The following APOB variants were observed in gnomAD, a reference collection of about 807,000 sequenced individuals.
APOB encodes apolipoprotein B-100.
APOB carries 153 observed loss-of-function variants against 314.1 expected under a neutral mutation model. That is an observed-to-expected ratio of 0.49 (90% CI 0.43 to 0.56). The LOEUF is 0.56. APOB is among the 20% of genes least tolerant of loss of function. The pLI is 0.00. For synonymous variants in APOB, 2,087 were observed against 2,036.4 expected, an observed-to-expected ratio of 1.02 and a Z score of -0.67; for missense variants, 5,430 against 5,350.7, an observed-to-expected ratio of 1.01 and a Z score of -0.46.
Position 21,011,607 on chromosome 2 carries a change from G to C in APOB, c.5261C>G (p.Thr1754Arg), listed in dbSNP as rs771920652. 1.9e-6 allele frequency: 3 copies of C among 1,614,188 alleles called. No homozygotes were observed. Among genetic ancestry groups the C allele is most frequent in the Non-Finnish European group, 2.5e-6 (3 of 1,180,018 alleles). Residue 1754 changes from threonine (T) to arginine (R), a missense_variant, in exon 26 of 29, where the codon ACA becomes AGA. This residue lies in a region of APOB where 64 missense variants were observed against 99.9 expected (regional missense o/e 0.64). Transcript: ENST00000233242. The stretch of plus-strand genomic sequence containing the variant: ...TAAGCCTGCAATGTTCAGACTGTTT[G>C]TGTGGTCAAATTTCATTTCAGCATA... Reference protein sequence around the residue: ...GSYAEMKFDHTNSLNIAGLSL... With the variant: ...GSYAEMKFDHRNSLNIAGLSL...
At position 21,015,452 on chromosome 2, in the gene APOB, C is replaced by T. The variant is rs142448733; in HGVS notation, c.3426G>A (p.Ser1142=). The T allele has an allele frequency of 1.4e-3, 2,277 of 1,614,016 alleles. 14 individuals carry two copies. The Middle Eastern group carries it at 0.022, about 15-fold the overall frequency. The change falls in exon 22 of 29, where the codon TCG becomes TCA. Residue 1142 remains serine (S), a synonymous_variant. Transcript: ENST00000233242. ...CCATTTGGAGAAGCAGTTTGGCAGG[C>T]GACCAGTGGGCGAGGATCTCACTTC... ...EARSEILAHW[S]PAKLLLQMDS... is the part of the protein sequence containing the mutation.
At chr2:21,003,504 A>C (rs1663053434) in intron 28 of APOB, among the ~76,000 whole-genome samples, 170 bp from the exon 29 acceptor site, 1 of 152,200 alleles carries the variant, frequency 6.6e-6, no homozygotes, top group Non-Finnish European at 1.5e-5. Flanking sequence ...TGGTTAAATA[A>C]GTCTACTGTT....
In APOB at chr2:21,002,183, GT is replaced by G. The variant is rs758853340; in HGVS notation, c.13238del (p.Asn4413ThrfsTer3). ...LEEKIVSLIK[N>X]LLVALKDFHS... ...GGAAGTCCTTAAGAGCAACTAACAGGTTCTTGATCAGACTGACTATCTTTTC... is the reference window on the plus strand; with the variant it reads ...GGAAGTCCTTAAGAGCAACTAACAGGTCTTGATCAGACTGACTATCTTTTC... On this transcript the variant is annotated frameshift_variant, in exon 29 of 29. Transcript: ENST00000233242. LOFTEE classifies it low-confidence loss of function (END_TRUNC). The G allele has an allele frequency of 1.2e-6, 2 of 1,613,898 alleles. No homozygotes were observed. Among genetic ancestry groups the G allele is most frequent in the Admixed American group, 3.3e-5 (2 of 59,996 alleles).
In APOB at chr2:21,005,244, A is replaced by G. The variant is rs1663094689; in HGVS notation, c.11624T>C (p.Ile3875Thr). 1 of 1,614,100 alleles carries G rather than the reference A, an allele frequency of 6.2e-7. No individual in the cohort carries two copies. Among genetic ancestry groups the G allele is most frequent in the Non-Finnish European group, 8.5e-7 (1 of 1,179,978 alleles). Residue 3875 changes from isoleucine to threonine, a missense_variant, in exon 26 of 29, where the codon ATT becomes ACT. Transcript: ENST00000233242. Reference sequence around the variant, plus strand: ...CAGTGCTTGAAAGGAAGGAATGACAATTCCAGCAGGTACAGAGAACTTAAT... The same window carrying G: ...CAGTGCTTGAAAGGAAGGAATGACAGTTCCAGCAGGTACAGAGAACTTAAT... The part of the protein sequence containing the change: ...PSIKFSVPAG[I>T]VIPSFQALTA...
chr2:21,037,355 GA>G (rs1221252742), intron 5 of APOB, 100 bp from the exon 6 acceptor site: 4 of 1,285,238 alleles, frequency 3.1e-6, no homozygotes, highest in Non-Finnish European at 4.4e-6. Context: ...AAAGCAGAAG[GA>G]ATCTAGCTTT....
chr2:21,029,875 G>A, intron 11 of APOB, 23 bp downstream of exon 11: 1 of 1,607,200 alleles, frequency 6.2e-7, no homozygotes, highest in South Asian at 1.1e-5. Flanking sequence ...AATGATGTAT[G>A]TCATATAAAA....
rs1224438700 is a variant in APOB at position 21,004,359 on chromosome 2, G to A, written c.11997C>T (p.Thr3999=). 1.2e-6 allele frequency: 2 copies of A among 1,613,964 alleles called. No individual in the cohort carries two copies. The highest frequency in any genetic ancestry group is 3.3e-5 in the Admixed American group (2 of 59,980). The change falls in exon 28 of 29, where the codon ACC becomes ACT. Residue 3999 remains threonine, a synonymous_variant. Transcript: ENST00000233242. The stretch of plus-strand genomic sequence containing the variant: ...TGCCTACGGCTGGGGAGGCTGCTGA[G>A]GTGGAGATGCCTTTCTTGTCTTTCT... ...RYQKDKKGIS[T]SAASPAVGTV... is the part of the protein sequence containing the mutation.
Position 21,006,600 on chromosome 2 carries a change from A to G in APOB, c.10268T>C (p.Val3423Ala), listed in dbSNP as rs761983757. 6.2e-7 allele frequency: 1 copy of G among 1,614,040 alleles called. No individual in the cohort carries two copies. Among genetic ancestry groups the G allele is most frequent in the Non-Finnish European group, 8.5e-7 (1 of 1,179,974 alleles). ...TVSLTTKNME[V>A]SVATTTKAQI... ...GGCTTTTGTGGTTGTTGCCACTGAC[A>G]CTTCCATATTTTTCGTGGTTAAGCT... The change falls in exon 26 of 29, where the codon GTG becomes GCG. Residue 3423 changes from valine to alanine, a missense_variant. Val to Ala is a moderately conservative substitution (Grantham distance 64). Coordinates refer to ENST00000233242, the MANE Select transcript of APOB (RefSeq NM_000384.3).
chr2:21,029,819 G>A (rs751695242), intron 11 of APOB, 34 bp from the exon 12 acceptor site: 1 of 1,613,466 alleles, frequency 6.2e-7, no homozygotes, highest in African/African-American at 1.3e-5. Context: ...AACCCATCAG[G>A]GTGCAGGAGA....
At chr2:21,039,471 C>T (rs12714245) in intron 4 of APOB, among the ~76,000 whole-genome samples, 3,387 of 152,266 alleles carry the variant, frequency 0.022, 76 homozygotes, top group African/African-American at 0.06. Flanking sequence ...GAGGACCTGG[C>T]TGCAGCCACT....
chr2:21,005,019 T>G, intron 26 of APOB, 61 bp downstream of exon 26: 1 of 1,586,590 alleles, frequency 6.3e-7, no homozygotes, highest in Non-Finnish European at 8.6e-7. Flanking sequence ...ACATAATTAT[T>G]TACTCATAAC....
intron 4 of APOB, among the ~76,000 whole-genome samples, chr2:21,038,339 T>C (rs924287666): frequency 1.3e-5 from 2 of 152,188 alleles, no homozygotes; most frequent in African/African-American, 4.8e-5. Context: ...TTTTTCTTTT[T>C]TCTTTTTCTT....
At position 21,008,108 on chromosome 2, in the gene APOB, T is replaced by C; in HGVS notation, c.8760A>G (p.Ala2920=). 3 of 1,614,090 alleles carry C rather than the reference T, an allele frequency of 1.9e-6. No individual in the cohort carries two copies. The highest frequency in any genetic ancestry group is 2.5e-6 in the Non-Finnish European group (3 of 1,179,976). Reference sequence around the variant, plus strand: ...ATGACCCTTTTCCAGAAGAAGTCCATGCTATGTGGCCAGCTTTCAACAGTG... The same window carrying C: ...ATGACCCTTTTCCAGAAGAAGTCCACGCTATGTGGCCAGCTTTCAACAGTG... ...IKTLLKAGHI[A]WTSSGKGSWK... is the part of the protein sequence containing the mutation. Residue 2920 remains alanine, a synonymous_variant, in exon 26 of 29, where the codon GCA becomes GCG. Transcript: ENST00000233242.
chr2:21,034,302 C>T (rs367974570), intron 8 of APOB, among the ~76,000 whole-genome samples: 1 of 152,272 alleles, frequency 6.6e-6, no homozygotes, highest in East Asian at 1.9e-4. Context: ...AAAATCACAT[C>T]TCTACCACCT....
rs1318637025 is a variant in APOB, at chr2:21,043,901, AG to A, written c.44del (p.Pro15LeufsTer78). ...CCGCCAGCAGCAGCAGCAGCAGCGCAGGCAGCGCCAGCAGCGCCAGCAGCGC... is the reference window on the plus strand; with the variant it reads ...CCGCCAGCAGCAGCAGCAGCAGCGCAGCAGCGCCAGCAGCGCCAGCAGCGC... ...RPALLALLALPALLLLLLAGA... is the reference protein window; with the variant it reads ...RPALLALLALXALLLLLLAGA... On this transcript the variant is annotated frameshift_variant, in exon 1 of 29. Transcript: ENST00000233242. LOFTEE classifies it high-confidence loss of function. 7 of 1,423,164 alleles carry A rather than the reference AG, an allele frequency of 4.9e-6. No individual in the cohort carries two copies. The highest frequency in any genetic ancestry group is 2.8e-5 in the Admixed American group (1 of 36,188). 88.2% of individuals were successfully genotyped at this position (1,423,164 alleles called of 1,614,324 possible).
At chr2:21,035,844 G>C in intron 6 of APOB, 136 bp from the exon 7 acceptor site, 1 of 917,798 alleles carries the variant, frequency 1.1e-6, no homozygotes, top group Non-Finnish European at 1.7e-6. Context: ...CTGGGTACTT[G>C]ACATTTAGAC....
In APOB at chr2:21,028,403, G is replaced by A; in HGVS notation, c.1753C>T (p.Gln585Ter). ...NKIVQILPWE[Q>*]NEQVKNFVAS... ...ACAAAGTTCTTCACTTGCTCATTCT[G>A]TTCCCATGGTAGAATTTGGACAATT... Residue 585 changes from glutamine (Q) to a stop codon, truncating the protein, a stop_gained, in exon 13 of 29, where the codon CAG becomes TAG. Coordinates refer to ENST00000233242, the MANE Select transcript of APOB (RefSeq NM_000384.3). LOFTEE classifies it high-confidence loss of function. 1 of 1,614,164 alleles carries A rather than the reference G, an allele frequency of 6.2e-7. No homozygotes were observed. Among genetic ancestry groups the A allele is most frequent in the Non-Finnish European group, 8.5e-7 (1 of 1,180,014 alleles).
Position 21,011,378 on chromosome 2 carries a change from G to A in APOB, c.5490C>T (p.Ala1830=), listed in dbSNP as rs886055585. 3.7e-6 allele frequency: 6 copies of A among 1,613,970 alleles called. No individual in the cohort carries two copies. The highest frequency in any genetic ancestry group is 1.7e-5 in the Admixed American group (1 of 60,000). The change falls in exon 26 of 29, where the codon GCC becomes GCT. Residue 1830 remains alanine (A), a synonymous_variant. Coordinates refer to ENST00000233242, the MANE Select transcript of APOB (RefSeq NM_000384.3). ...TGTGTTTTATTTCATTATTTTGGTA[G>A]GCTCCTTTTAGGTTACCAGCCACAT... ...KLHVAGNLKG[A]YQNNEIKHIY...
In APOB at chr2:21,005,385, G is replaced by A. The variant is rs559224730; in HGVS notation, c.11483C>T (p.Pro3828Leu). Residue 3828 changes from proline (P) to leucine (L), a missense_variant, in exon 26 of 29, where the codon CCA becomes CTA. Around this residue, in one of 3 missense-constraint regions of APOB, gnomAD observed 3,281 missense variants for 3,171.0 expected, o/e 1.03. Coordinates refer to ENST00000233242, the MANE Select transcript of APOB (RefSeq NM_000384.3). ...AGCAATGCCATCTGAAACACTTTTT[G>A]GAAGCGTGAACTGGGACACAGTTAA... The part of the protein sequence containing the change: ...SQLTVSQFTL[P>L]KSVSDGIAAL... 1 of 1,614,048 alleles carries A rather than the reference G, an allele frequency of 6.2e-7. No homozygotes were observed. The highest frequency in any genetic ancestry group is 2.2e-5 in the East Asian group (1 of 44,878).
Sources: allele counts gnomAD v4.1 joint callset (sites outside exome capture counted in the v4.1 genomes callset), GRCh38; gene constraint gnomAD v4.1.1; regional missense constraint gnomAD v4.1.1; transcripts MANE v1.5; gene names NCBI Gene and HGNC (gene_info 2026-07-23, HGNC 2026-07-21).